The following TRRAP variants were observed in gnomAD, a reference collection of about 807,000 sequenced individuals.
TRRAP encodes the protein transformation/transcription domain associated protein.
In TRRAP, 41 loss-of-function variants were observed where a neutral mutation model predicts 438.8. The observed-to-expected ratio is 0.09, with a 90% CI of 0.07 to 0.12. The LOEUF (loss-of-function observed/expected upper bound fraction) is 0.12. Among genes scored for constraint, TRRAP ranks in the 10% least tolerant of loss-of-function variants. The pLI, the probability that TRRAP is intolerant of heterozygous loss-of-function variation, is 1.00. For synonymous variants in TRRAP, 1,994 were observed against 1,962.9 expected, an observed-to-expected ratio of 1.02 and a Z score of -0.42; for missense variants, 3,122 against 5,055.1, an observed-to-expected ratio of 0.62 and a Z score of 11.60.
At chr7:98,981,744 C>T (rs1213197673) in intron 58 of TRRAP, 25 bp from the exon 59 acceptor site, 2 of 1,586,658 alleles carry the variant, frequency 1.3e-6, no homozygotes, top group East Asian at 2.3e-5. Flanking sequence ...CCCTCACGTC[C>T]TGTGTCACGT....
rs761938279 is a variant in TRRAP, at chr7:98,950,862, A to C, written c.5335-14A>C. ...CTTTGTTTTTCTCCTTCTTTATTTA[A>C]ATTTTTTTTGTAGGTTCTGCAGCAT... On this transcript the variant is annotated splice_polypyrimidine_tract_variant and intron_variant, in intron 38 of 72. Coordinates refer to ENST00000456197, the MANE Select transcript of TRRAP (RefSeq NM_001375524.1). 3.3e-6 allele frequency: 5 copies of C among 1,511,356 alleles called. No homozygotes were observed. Among genetic ancestry groups the C allele is most frequent in the African/African-American group, 1.4e-5 (1 of 70,510 alleles). 93.6% of individuals were successfully genotyped at this position (1,511,356 alleles called of 1,614,324 possible).
chr7:98,887,290 T>C (rs1795754582), intron 3 of TRRAP, among the ~76,000 whole-genome samples: 1 of 152,232 alleles, frequency 6.6e-6, no homozygotes, highest in Admixed American at 6.5e-5. Context: ...TGGACTTACA[T>C]GCAAATATGT....
At chr7:98,897,976 T>G (rs1796299070) in intron 8 of TRRAP, 110 bp downstream of exon 8, 1 of 1,530,604 alleles carries the variant, frequency 6.5e-7, no homozygotes, top group Non-Finnish European at 8.9e-7. Flanking sequence ...AAGACAAACG[T>G]GTGTGCCTGG....
At chr7:98,903,557 C>T (rs782154266) in intron 12 of TRRAP, 40 bp downstream of exon 12, 5 of 1,610,058 alleles carry the variant, frequency 3.1e-6, no homozygotes, top group South Asian at 1.1e-5. Context: ...TGATGCTAGT[C>T]CTGTGGCCAT....
chr7:98,978,481 C>T (rs1020110191), intron 57 of TRRAP, among the ~76,000 whole-genome samples, 158 bp downstream of exon 57: 1 of 152,176 alleles, frequency 6.6e-6, no homozygotes, highest in Non-Finnish European at 1.5e-5. Context: ...CATTTAAAGC[C>T]TTGAGTAATT....
At chr7:98,937,108 G>A (rs782447895) in intron 28 of TRRAP, 48 bp from the exon 29 acceptor site, 1 of 1,547,832 alleles carries the variant, frequency 6.5e-7, no homozygotes, top group Admixed American at 2.1e-5. Context: ...AATTATTTGG[G>A]CATCTTTCCA....
intron 38 of TRRAP, 101 bp downstream of exon 38, chr7:98,950,363 A>C (rs1791279323): frequency 3.0e-6 from 4 of 1,354,588 alleles, no homozygotes; most frequent in Admixed American, 2.1e-5. Flanking sequence ...CTCTTGAATA[A>C]ATAGTAGAGT....
intron 26 of TRRAP, 137 bp from the exon 27 acceptor site, chr7:98,933,104 T>G: frequency 8.2e-7 from 1 of 1,223,254 alleles, no homozygotes; most frequent in Non-Finnish European, 1.1e-6. Context: ...GTTTTGCACA[T>G]GAAATGTATC....
intron 18 of TRRAP, 109 bp from the exon 19 acceptor site, chr7:98,915,614 A>C: frequency 1.4e-6 from 2 of 1,379,726 alleles, no homozygotes; most frequent in Admixed American, 2.3e-5. Flanking sequence ...GAGTAAACAC[A>C]TCAGAATTGC....
At chr7:98,984,002 T>C (rs1458412526) in intron 60 of TRRAP, 91 bp from the exon 61 acceptor site, 2 of 1,439,974 alleles carry the variant, frequency 1.4e-6, no homozygotes, top group Non-Finnish European at 1.8e-6. Flanking sequence ...AAGCCATGTG[T>C]GTGTGTGTTT....
At chr7:98,982,247 C>A (rs749789239) in intron 59 of TRRAP, among the ~76,000 whole-genome samples, 2 of 152,174 alleles carry the variant, frequency 1.3e-5, no homozygotes, top group African/African-American at 4.8e-5. Context: ...CCCTCAGTTA[C>A]AGAGTCCATC....
At chr7:98,987,091 C>G (rs1584395356) in intron 62 of TRRAP, among the ~76,000 whole-genome samples, 1 of 152,256 alleles carries the variant, frequency 6.6e-6, no homozygotes, top group African/African-American at 2.4e-5. Context: ...TTGAGACCAA[C>G]CTGGACAATA....
At chr7:98,957,681 T>C (rs968797925) in intron 43 of TRRAP, among the ~76,000 whole-genome samples, 4 of 152,190 alleles carry the variant, frequency 2.6e-5, no homozygotes, top group African/African-American at 9.7e-5. Context: ...CTGTCTCTCT[T>C]CTTTTTTCTC....
At chr7:98,966,103 G>C (rs2116687573) in intron 49 of TRRAP, among the ~76,000 whole-genome samples, 1 of 152,208 alleles carries the variant, frequency 6.6e-6, no homozygotes, top group East Asian at 1.9e-4. Context: ...TCAGGAGATT[G>C]AGACCGTCCT....
chr7:98,987,996 G>T (rs1056301780), intron 62 of TRRAP, among the ~76,000 whole-genome samples: 6 of 151,810 alleles, frequency 4.0e-5, no homozygotes, highest in African/African-American at 9.7e-5. Context: ...TATTTATATT[G>T]ACTTTTTTGT....
chr7:98,884,791 G>A (rs1795617534), intron 3 of TRRAP, among the ~76,000 whole-genome samples: 1 of 152,098 alleles, frequency 6.6e-6, no homozygotes, highest in Non-Finnish European at 1.5e-5. Context: ...TTGGAAAATT[G>A]TACCTAGGCA....
At chr7:98,999,237 C>A in intron 67 of TRRAP, 1 of 1,186,524 alleles carries the variant, frequency 8.4e-7, no homozygotes, top group Non-Finnish European at 1.3e-6. Context: ...GAAGTACATG[C>A]ATTCACTGCC....
rs1473328051 is a variant in TRRAP, at chr7:98,999,372, GCT to G, written c.10309+4530_10309+4531del. The G allele has an allele frequency of 1.3e-4, 187 of 1,388,740 alleles. 1 individual carries two copies. The highest frequency in any genetic ancestry group is 4.0e-4 in the Admixed American group (23 of 57,954). The allele number at this position is 1,388,740 out of a possible 1,614,324, so 86.0% of individuals were successfully genotyped here. A position where few individuals can be genotyped will look rare whatever the true frequency, so the allele number is the denominator to read the frequency against. The stretch of plus-strand genomic sequence containing the variant: ...TGACAGTGATTCCACATCCTGCACA[GCT>G]CTCTCATCCACAATTTCCTCTTGAT... On this transcript the variant is annotated intron_variant, in intron 67 of 72. Transcript: ENST00000456197.
intron 21 of TRRAP, among the ~76,000 whole-genome samples, chr7:98,922,847 T>C (rs1374064616): frequency 2.0e-5 from 3 of 152,190 alleles, no homozygotes; most frequent in African/African-American, 7.2e-5. Flanking sequence ...CCTGCCCTGT[T>C]GCATCATTGT....
Sources: gnomAD v4.1 joint callset for allele counts (sites outside exome capture counted in the v4.1 genomes callset) on GRCh38, gnomAD v4.1.1 for gene constraint, MANE v1.5 for transcripts, NCBI Gene and HGNC (gene_info 2026-07-23, HGNC 2026-07-21) for gene names.